The following KCNIP4 variants were observed in gnomAD, a reference collection of about 807,000 sequenced individuals.
KCNIP4 encodes Kv channel-interacting protein 4.
A neutral mutation model predicts 34.0 loss-of-function variants in KCNIP4; 12 were observed. That is an observed-to-expected ratio of 0.35 (90% confidence interval 0.23 to 0.57). KCNIP4 has a LOEUF of 0.57. Ranked by LOEUF, KCNIP4 falls within the 20% of genes least tolerant of loss-of-function variation. The pLI, the probability that KCNIP4 is intolerant of heterozygous loss-of-function variation, is 0.83. For synonymous variants in KCNIP4, 124 were observed against 102.2 expected (o/e 1.21, Z -1.29); for missense variants, 238 against 311.7 (o/e 0.76, Z 1.78).
At chr4:21,783,449 A>C (rs1484761697) in intron 1 of KCNIP4, among the ~76,000 whole-genome samples, 1 of 152,200 alleles carries the variant, frequency 6.6e-6, no homozygotes, top group Non-Finnish European at 1.5e-5. Flanking sequence ...GCAGGCAGGA[A>C]ACTACAGAAG....
chr4:21,584,989 T>C (rs917416924), intron 1 of KCNIP4, among the ~76,000 whole-genome samples: 5 of 152,106 alleles, frequency 3.3e-5, no homozygotes, highest in Non-Finnish European at 7.4e-5. Flanking sequence ...AGAAAGCAAG[T>C]GGCCCAAGGC....
At chr4:21,779,052 T>C (rs1041418321) in intron 1 of KCNIP4, among the ~76,000 whole-genome samples, 3 of 152,106 alleles carry the variant, frequency 2.0e-5, no homozygotes, top group Non-Finnish European at 4.4e-5. Context: ...TATTCTTATA[T>C]AAATGAATCT....
intron 1 of KCNIP4, among the ~76,000 whole-genome samples, chr4:21,493,216 C>T (rs1383801668): frequency 6.6e-6 from 1 of 152,060 alleles, no homozygotes; most frequent in East Asian, 1.9e-4. Flanking sequence ...ACAGCTCGTG[C>T]ACCTGTTGTC....
At chr4:21,376,985 A>T (rs1721019498) in intron 1 of KCNIP4, among the ~76,000 whole-genome samples, 1 of 152,172 alleles carries the variant, frequency 6.6e-6, no homozygotes. Context: ...GATCAAACGA[A>T]GCTTATTTCC....
At chr4:21,887,478 T>C (rs942503661) in intron 1 of KCNIP4, among the ~76,000 whole-genome samples, 11 of 152,098 alleles carry the variant, frequency 7.2e-5, no homozygotes, top group Non-Finnish European at 8.8e-5. Flanking sequence ...TGGGATTCGA[T>C]TTCAATGTAT....
intron 1 of KCNIP4, among the ~76,000 whole-genome samples, chr4:21,406,847 T>C (rs1293659101): frequency 6.6e-6 from 1 of 152,180 alleles, no homozygotes; most frequent in East Asian, 1.9e-4. Flanking sequence ...AAAATTATTT[T>C]GGAAAACTCA....
intron 1 of KCNIP4, among the ~76,000 whole-genome samples, chr4:21,124,255 G>A (rs1030211624): frequency 2.0e-5 from 3 of 152,104 alleles, no homozygotes; most frequent in African/African-American, 4.8e-5. Flanking sequence ...AAAGAAAAAG[G>A]CAAATCATGT....
At chr4:21,406,024 G>C in intron 1 of KCNIP4, among the ~76,000 whole-genome samples, 1 of 152,078 alleles carries the variant, frequency 6.6e-6, no homozygotes, top group South Asian at 2.1e-4. Flanking sequence ...TAGTAGAGAC[G>C]GGGTTTCTCC....
intron 1 of KCNIP4, among the ~76,000 whole-genome samples, chr4:20,979,689 C>T (rs1198602308): frequency 3.3e-5 from 5 of 152,014 alleles, no homozygotes; most frequent in African/African-American, 7.2e-5. Context: ...TGAGCCACCG[C>T]GCCTGGCTCT....
intron 1 of KCNIP4, among the ~76,000 whole-genome samples, chr4:21,620,034 A>G (rs1032810349): frequency 2.0e-5 from 3 of 152,246 alleles, no homozygotes; most frequent in African/African-American, 7.2e-5. Context: ...TTGTGGAAGA[A>G]GTAAGGGTAG....
intron 3 of KCNIP4, among the ~76,000 whole-genome samples, chr4:20,799,697 G>C (rs1713978812): frequency 6.6e-6 from 1 of 152,168 alleles, no homozygotes. Flanking sequence ...CTGGGCTTCT[G>C]TCATGTCCCA....
intron 3 of KCNIP4, among the ~76,000 whole-genome samples, chr4:20,760,820 GAAAA>G (rs758390077): frequency 6.6e-6 from 1 of 151,998 alleles, no homozygotes; most frequent in Non-Finnish European, 1.5e-5. Flanking sequence ...TTGGAGTAAA[GAAAA>G]AAACAACCAA....
In KCNIP4 at chr4:21,930,630, T is replaced by A. The variant is rs530100874; in HGVS notation, c.61+17941A>T. ...TATGGCTCGATTTTTCACACAAATC[T>A]GAGCCTTTGCACAGGCTGATCCTAC... On this transcript the variant is annotated intron_variant, in intron 1 of 8. Coordinates refer to ENST00000382152, the MANE Select transcript of KCNIP4 (RefSeq NM_025221.6). Among the ~76,000 whole-genome samples the A allele has an allele frequency of 5.9e-5, 9 of 152,240 alleles. No individual in the cohort carries two copies. The South Asian group carries it at 1.9e-3, about 32-fold the overall frequency.
intron 1 of KCNIP4, among the ~76,000 whole-genome samples, chr4:21,810,689 CAAAAA>C (rs397992521): frequency 9.3e-5 from 10 of 107,574 alleles, no homozygotes; most frequent in Non-Finnish European, 1.3e-4. Flanking sequence ...GACTCCGTCT[CAAAAA>C]AAAAAAAAAA....
chr4:21,048,670 T>C (rs187565019), intron 1 of KCNIP4, among the ~76,000 whole-genome samples: 30 of 152,264 alleles, frequency 2.0e-4, no homozygotes, highest in African/African-American at 7.0e-4. Flanking sequence ...AAAGAATACT[T>C]GTAAGTGATT....
At chr4:21,825,412 A>G (rs1228135809) in intron 1 of KCNIP4, among the ~76,000 whole-genome samples, 1 of 152,164 alleles carries the variant, frequency 6.6e-6, no homozygotes, top group African/African-American at 2.4e-5. Flanking sequence ...TATTCCCAAC[A>G]AAGGTATTTG....
rs1752710807 is a variant in KCNIP4 at position 21,150,975 on chromosome 4, G to A, written c.62-268266C>T. ...CATCTTTCAACCCATTTTGTATCTT[G>A]TTATCACTCAGTTTTGTTTCTGTCT... On this transcript the variant is annotated intron_variant, in intron 1 of 8. Coordinates refer to ENST00000382152, the MANE Select transcript of KCNIP4 (RefSeq NM_025221.6). Among the ~76,000 whole-genome samples the A allele has an allele frequency of 4.6e-5, 7 of 152,208 alleles. 1 individual carries two copies. In the South Asian group the frequency reaches 1.5e-3, roughly 32 times the overall value.
chr4:21,074,597 G>T (rs865947839), intron 1 of KCNIP4, among the ~76,000 whole-genome samples: 16 of 151,852 alleles, frequency 1.1e-4, no homozygotes, highest in South Asian at 2.1e-4. Flanking sequence ...AGCTCCTGGA[G>T]TCATTGATTT....
chr4:21,946,858 G>T (rs956045549), intron 1 of KCNIP4, among the ~76,000 whole-genome samples: 1 of 152,110 alleles, frequency 6.6e-6, no homozygotes, highest in East Asian at 1.9e-4. Context: ...GCAGTAAAAG[G>T]TTTGCTTTTT....
Sources: allele counts gnomAD v4.1 joint callset (sites outside exome capture counted in the v4.1 genomes callset), GRCh38; gene constraint gnomAD v4.1.1; transcripts MANE v1.5; gene names NCBI Gene and HGNC (gene_info 2026-07-23, HGNC 2026-07-21).